WDR86: variants seen among roughly 807,000 people sequenced by gnomAD.
WDR86 encodes WD repeat-containing protein 86.
WDR86 carries 30 observed loss-of-function variants against 36.5 expected under a neutral mutation model. The observed-to-expected ratio is 0.82, with a 90% confidence interval of 0.61 to 1.11. The LOEUF is 1.11. Among genes scored for constraint, WDR86 ranks in the 50% most tolerant of loss-of-function variants. The pLI, the probability that WDR86 is intolerant of heterozygous loss-of-function variation, is 0.00. For synonymous variants in WDR86, 255 were observed against 252.9 expected (o/e 1.01, Z -0.08); for missense variants, 545 against 561.2 (o/e 0.97, Z 0.29).
chr7:151,375,665 C>T (rs1798182977), downstream of WDR86, among the ~76,000 whole-genome samples: 1 of 152,224 alleles, frequency 6.6e-6, no homozygotes. Context: ...TCCTTCAAAC[C>T]CCAGCTGTCC....
intron 3 of WDR86, among the ~76,000 whole-genome samples, chr7:151,393,651 C>A (rs1264684915): frequency 1.3e-5 from 2 of 152,138 alleles, no homozygotes; most frequent in Non-Finnish European, 2.9e-5. Context: ...CCCCTCCCAA[C>A]CCCCTGCCCT....
In WDR86 at chr7:151,409,794, C is replaced by T; in HGVS notation, c.-205G>A. On this transcript the variant is annotated 5_prime_UTR_variant, in exon 1 of 6. Coordinates refer to ENST00000334493, the MANE Select transcript of WDR86 (RefSeq NM_198285.3). This position sits in a 1 kb window ranked among gnomAD's most constrained non-coding sequence, Gnocchi z 5.2. ...AGCCTCTGGGCCCGCGAACCCAGGGCGCTGCGGGGGGCGGCCCACTCGGGA... is the reference window on the plus strand; with the variant it reads ...AGCCTCTGGGCCCGCGAACCCAGGGTGCTGCGGGGGGCGGCCCACTCGGGA... 2 of 1,264,492 alleles carry T rather than the reference C, an allele frequency of 1.6e-6. No homozygotes were observed. The highest frequency in any genetic ancestry group is 9.9e-7 in the Non-Finnish European group (1 of 1,008,656). 78.3% of individuals were successfully genotyped at this position (1,264,492 alleles called of 1,614,324 possible). A position where few individuals can be genotyped will look rare whatever the true frequency, so the allele number is the denominator to read the frequency against.
the WDR86 span, among the ~76,000 whole-genome samples, chr7:151,370,377 C>T: frequency 6.6e-6 from 1 of 152,192 alleles, no homozygotes; most frequent in Non-Finnish European, 1.5e-5. Flanking sequence ...GTGTGAGCCA[C>T]TGCGACCAGC....
At chr7:151,408,552 A>AT (rs1800914107) in intron 1 of WDR86, 1 of 206,372 alleles carries the variant, frequency 4.8e-6, no homozygotes, top group Non-Finnish European at 1.0e-5. Flanking sequence ...TGGGGCTAAT[A>AT]TCCTACCTAA....
At chr7:151,402,070 A>AAAT in intron 1 of WDR86, among the ~76,000 whole-genome samples, 38 of 50,532 alleles carry the variant, frequency 7.5e-4, no homozygotes, top group African/African-American at 2.1e-3. Flanking sequence ...AAAAAAAAAA[A>AAAT]ATATATATAT....
At chr7:151,392,936 C>A (rs1563053447) in intron 3 of WDR86, among the ~76,000 whole-genome samples, 2 of 152,176 alleles carry the variant, frequency 1.3e-5, no homozygotes, top group Non-Finnish European at 2.9e-5. Flanking sequence ...CTGCACCCCA[C>A]CCCCCTGCTA....
rs1368798355 is a variant in WDR86 at position 151,385,152 on chromosome 7, C to T, written c.798G>A (p.Glu266=). Residue 266 remains glutamate (E), a synonymous_variant, in exon 4 of 6, where the codon GAG becomes GAA. Coordinates refer to ENST00000334493, the MANE Select transcript of WDR86 (RefSeq NM_198285.3). ...TGTGGGCCGTGAACGTGCGCACACA[C>T]TCCCCTGTGTCTGCCAGCCAGCACT... ...TVKCWLADTG[E]CVRTFTAHRR... The T allele has an allele frequency of 6.2e-7, 1 of 1,613,132 alleles. No individual in the cohort carries two copies. The highest frequency in any genetic ancestry group is 2.2e-5 in the East Asian group (1 of 44,886).
downstream of WDR86, chr7:151,374,092 TA>T (rs1563030740): frequency 6.4e-7 from 1 of 1,552,418 alleles, no homozygotes; most frequent in Non-Finnish European, 8.7e-7. Flanking sequence ...GCTGTTTTCC[TA>T]AAGGAACTGG....
At position 151,389,705 on chromosome 7, in the gene WDR86, A is replaced by G. The variant is rs567494390; in HGVS notation, c.727-4482T>C. On this transcript the variant is annotated intron_variant, in intron 3 of 5. Transcript: ENST00000334493. The stretch of plus-strand genomic sequence containing the variant: ...GAGCTTGCTTCCTGGTCTCAGGTGC[A>G]CCCACCAGGCCTGTACGCATAGGAG... Among the ~76,000 whole-genome samples, 7 of 152,226 alleles carry G rather than the reference A, an allele frequency of 4.6e-5. No individual in the cohort carries two copies. In the South Asian group the frequency reaches 1.5e-3, roughly 32 times the overall value.
intron 4 of WDR86, among the ~76,000 whole-genome samples, chr7:151,384,571 T>G (rs1038915453): frequency 1.3e-5 from 2 of 152,006 alleles, no homozygotes; most frequent in African/African-American, 4.8e-5. Flanking sequence ...CGAAGAAGAG[T>G]GACAGAAGAA....
rs1458744129 is a variant in WDR86, at chr7:151,397,879, T to C, written c.306-1683A>G. 3.5e-5 allele frequency among the ~76,000 whole-genome samples: 5 copies of C among 143,088 alleles called. No homozygotes were observed. In the East Asian group the frequency reaches 1.0e-3, roughly 30 times the overall value. The allele number at this position is 143,088 out of a possible 152,430, so 93.9% of individuals were successfully genotyped here. A position where few individuals can be genotyped will look rare whatever the true frequency, so the allele number is the denominator to read the frequency against. On this transcript the variant is annotated intron_variant, in intron 2 of 5. Coordinates refer to ENST00000334493, the MANE Select transcript of WDR86 (RefSeq NM_198285.3). ...GGGTGTAGCGGGAGGCCTTGGGGTA[T>C]GGAGGGGGTGGCTGAGTCCTGCCTG... is the stretch of plus-strand genomic sequence containing the variant.
chr7:151,391,583 G>A (rs1365318389), intron 3 of WDR86, among the ~76,000 whole-genome samples: 1 of 152,160 alleles, frequency 6.6e-6, no homozygotes, highest in African/African-American at 2.4e-5. Context: ...ACCGGGTCTG[G>A]GGCCCGACAG....
downstream of WDR86, chr7:151,374,220 G>A (rs1478521431): frequency 3.8e-6 from 6 of 1,559,138 alleles, no homozygotes; most frequent in Admixed American, 1.9e-5. Flanking sequence ...CGCAGCCAGC[G>A]GGAACTTGGA....
chr7:151,409,099 TTTTG>T lies in WDR86; in HGVS notation c.163+324_163+327del, dbSNP rs2150889167. 1 of 601,260 alleles carries T rather than the reference TTTTG, an allele frequency of 1.7e-6. No homozygotes were observed. Among genetic ancestry groups the T allele is most frequent in the African/African-American group, 1.8e-5 (1 of 54,670 alleles). 37.2% of individuals were successfully genotyped at this position (601,260 alleles called of 1,614,324 possible). ...GCTTAGAAGGAGTATAGGTGCAACT[TTTTG>T]TTTGTTAACATTGTTGTCAAGGGAG... On this transcript the variant is annotated intron_variant, in intron 1 of 5. Transcript: ENST00000334493. The surrounding 1 kb of genome is among the most constrained non-coding windows in gnomAD (Gnocchi z 5.2).
At chr7:151,385,039 G>A (rs1443175269) in intron 4 of WDR86, 49 bp downstream of exon 4, 2 of 1,531,254 alleles carry the variant, frequency 1.3e-6, no homozygotes, top group South Asian at 1.2e-5. Flanking sequence ...AAGCAGAGAG[G>A]AGAAGCCAGG....
intron 2 of WDR86, among the ~76,000 whole-genome samples, chr7:151,397,648 CGGG>C (rs1799928359): frequency 8.8e-6 from 1 of 113,136 alleles, no homozygotes. Context: ...AAGGGCATAG[CGGG>C]AGGAAGGGCA....
Position 151,381,843 on chromosome 7 carries a change from C to T in WDR86, c.966+35G>A, listed in dbSNP as rs1318207225. 5.1e-6 allele frequency: 8 copies of T among 1,573,786 alleles called. No homozygotes were observed. The highest frequency in any genetic ancestry group is 1.9e-5 in the Admixed American group (1 of 53,810). On this transcript the variant is annotated intron_variant, in intron 5 of 5. Transcript: ENST00000334493. This position sits in a 1 kb window ranked among gnomAD's most constrained non-coding sequence, Gnocchi z 4.8. ...TCGGGGCGGGGCACCTTCCCTCCCA[C>T]GGGCGGCGGCCCCGAGAAGGGCAGA...
chr7:151,375,846 A>G, downstream of WDR86: 1 of 1,601,764 alleles, frequency 6.2e-7, no homozygotes, highest in South Asian at 1.1e-5. Flanking sequence ...TGTGTGTTTT[A>G]GATTCTGCTC....
chr7:151,398,424 G>T (rs1800035765), intron 2 of WDR86, among the ~76,000 whole-genome samples: 1 of 78,474 alleles, frequency 1.3e-5, no homozygotes, highest in African/African-American at 4.1e-5. Flanking sequence ...GTGCGTGTGT[G>T]CACATGTGTA....
Sources: gnomAD v4.1 joint callset for allele counts (sites outside exome capture counted in the v4.1 genomes callset) on GRCh38, gnomAD v4.1.1 for gene constraint, Gnocchi (gnomAD v3.1) non-coding constraint, MANE v1.5 for transcripts, NCBI Gene and HGNC (gene_info 2026-07-23, HGNC 2026-07-21) for gene names.